Variants in LRRFIP2 observed in about 807,000 individuals in gnomAD.
The protein encoded by LRRFIP2 is LRR binding FLII interacting protein 2, also known as leucine-rich repeat flightless-interacting protein 2.
LRRFIP2 carries 109 observed loss-of-function variants against 125.9 expected under a neutral mutation model. That is an observed-to-expected ratio of 0.87 (90% CI 0.74 to 1.01). The LOEUF is 1.01. LRRFIP2 is among the 50% of genes least tolerant of loss of function. LRRFIP2 has a pLI of 0.00. For synonymous variants in LRRFIP2, 291 were observed against 293.1 expected (o/e 0.99, Z 0.07); for missense variants, 850 against 862.3 (o/e 0.99, Z 0.18).
intron 8 of LRRFIP2, among the ~76,000 whole-genome samples, chr3:37,111,583 C>T (rs2094546368): frequency 6.6e-6 from 1 of 152,144 alleles, no homozygotes; most frequent in South Asian, 2.1e-4. Context: ...AACAATAGTA[C>T]ACATTATAGC....
chr3:37,143,379 G>C (rs2095768022), intron 2 of LRRFIP2: 1 of 157,548 alleles, frequency 6.3e-6, no homozygotes, highest in African/African-American at 2.4e-5. Flanking sequence ...GGACAATCCA[G>C]GGGAATGAGA....
At chr3:37,116,694 T>C (rs1576877039) in intron 6 of LRRFIP2, among the ~76,000 whole-genome samples, 1 of 152,174 alleles carries the variant, frequency 6.6e-6, no homozygotes, top group Non-Finnish European at 1.5e-5. Flanking sequence ...CTAGTTCTAA[T>C]AAGACATTAA....
At position 37,067,230 on chromosome 3, in the gene LRRFIP2, C is replaced by G. The variant is rs549141791; in HGVS notation, c.1465-905G>C. 14 of 152,296 alleles carry G rather than the reference C, an allele frequency of 9.2e-5. No individual in the cohort carries two copies. The East Asian group carries it at 2.7e-3, about 29-fold the overall frequency. The allele number at this position is 152,296 out of a possible 1,614,324, so 9.4% of individuals were successfully genotyped here. Reference sequence around the variant, plus strand: ...AGGTTGGTGATTTCATTTGTAAATTCCCTGCCATTTCCTTAATCTCACAAC... The same window carrying G: ...AGGTTGGTGATTTCATTTGTAAATTGCCTGCCATTTCCTTAATCTCACAAC... On this transcript the variant is annotated intron_variant, in intron 21 of 27. Transcript: ENST00000336686.
At chr3:37,074,928 T>G in intron 20 of LRRFIP2, 96 bp downstream of exon 20, 1 of 780,236 alleles carries the variant, frequency 1.3e-6, no homozygotes, top group Non-Finnish European at 2.2e-6. Context: ...AGACAAACTC[T>G]GATGCATCTT....
intron 1 of LRRFIP2, among the ~76,000 whole-genome samples, chr3:37,166,192 T>C (rs1380296393): frequency 1.3e-5 from 2 of 152,066 alleles, no homozygotes; most frequent in African/African-American, 4.8e-5. Context: ...TAGCCAGGCA[T>C]GGTGGCGCAT....
Position 37,165,847 on chromosome 3 carries a change from AAGAAAGAAAG to A in LRRFIP2, c.-56+8682_-56+8691del, listed in dbSNP as rs1255684762. The stretch of plus-strand genomic sequence containing the variant: ...AAAGAAAGAAAGAAAGAAAGAAAGA[AAGAAAGAAAG>A]AGAAAGAAAGAAAGAAGAAAAAACT... On this transcript the variant is annotated intron_variant, in intron 1 of 27. Transcript: ENST00000336686. Among the ~76,000 whole-genome samples the A allele has an allele frequency of 3.6e-3, 526 of 146,612 alleles. 4 individuals carry two copies. Among genetic ancestry groups the A allele is most frequent in the Middle Eastern group, 0.017 (5 of 290 alleles).
intron 23 of LRRFIP2, 112 bp downstream of exon 23, chr3:37,065,698 T>C: frequency 7.7e-7 from 1 of 1,300,854 alleles, no homozygotes; most frequent in Non-Finnish European, 1.1e-6. Context: ...GTTAAGGATC[T>C]ACTTGAGTCT....
At chr3:37,065,575 C>T in intron 23 of LRRFIP2, 2 of 662,742 alleles carry the variant, frequency 3.0e-6, no homozygotes, top group Non-Finnish European at 5.6e-6. Context: ...GCCCATAGTA[C>T]TTCCATCCAC....
At chr3:37,075,182 T>A in intron 19 of LRRFIP2, 66 bp from the exon 20 acceptor site, 1 of 1,083,848 alleles carries the variant, frequency 9.2e-7, no homozygotes, top group East Asian at 2.4e-5. Flanking sequence ...ACATACACAA[T>A]ACAACACAGA....
At chr3:37,077,653 C>A (rs2092230006) in intron 19 of LRRFIP2, among the ~76,000 whole-genome samples, 1 of 151,992 alleles carries the variant, frequency 6.6e-6, no homozygotes, top group South Asian at 2.1e-4. Flanking sequence ...CAGATATATT[C>A]TTTGTTAACG....
chr3:37,073,513 T>C (rs2091595932), intron 20 of LRRFIP2, among the ~76,000 whole-genome samples: 1 of 152,202 alleles, frequency 6.6e-6, no homozygotes, highest in Non-Finnish European at 1.5e-5. Flanking sequence ...TATGTCCTCC[T>C]TTCCCTACTC....
intron 19 of LRRFIP2, among the ~76,000 whole-genome samples, chr3:37,075,768 G>A (rs1420828187): frequency 6.6e-6 from 1 of 151,996 alleles, no homozygotes; most frequent in East Asian, 1.9e-4. Context: ...TGAAAAAGAA[G>A]AAAGCCGGCC....
chr3:37,083,946 T>G, intron 18 of LRRFIP2, 140 bp from the exon 19 acceptor site: 1 of 582,302 alleles, frequency 1.7e-6, no homozygotes. Flanking sequence ...ACTCCTTGTT[T>G]AGTAACATGC....
Position 37,077,387 on chromosome 3 carries a change from A to G in LRRFIP2, c.1279-2271T>C, listed in dbSNP as rs2148957242. Among the ~76,000 whole-genome samples, 3 of 152,368 alleles carry G rather than the reference A, an allele frequency of 2.0e-5. No individual in the cohort carries two copies. In the South Asian group the frequency reaches 6.2e-4, roughly 32 times the overall value. On this transcript the variant is annotated intron_variant, in intron 19 of 27. Transcript: ENST00000336686. ...CAAGATATCTCTATACAACATTCAT[A>G]AGGTGATAAAATCTACATGCACGAC...
intron 2 of LRRFIP2, among the ~76,000 whole-genome samples, chr3:37,146,470 G>A (rs1330350361): frequency 6.6e-6 from 1 of 151,994 alleles, no homozygotes; most frequent in African/African-American, 2.4e-5. Flanking sequence ...ACCCCACTGT[G>A]CTCCCTCTCC....
chr3:37,109,652 C>G lies in LRRFIP2; in HGVS notation c.564+1G>C, dbSNP rs1016353020. On this transcript the variant is annotated splice_donor_variant, in intron 10 of 27. Transcript: ENST00000336686. LOFTEE classifies it high-confidence loss of function. ...CAGAACATTCCTCAGAAAGTACTAA[C>G]CCTGTCACTCTTATATGTTGCCAGA... The G allele has an allele frequency of 1.2e-6, 2 of 1,614,052 alleles. No individual in the cohort carries two copies. Among genetic ancestry groups the G allele is most frequent in the East Asian group, 4.5e-5 (2 of 44,868 alleles).
At chr3:37,076,854 G>A (rs148648107) in intron 19 of LRRFIP2, among the ~76,000 whole-genome samples, 34,385 of 152,024 alleles carry the variant, frequency 0.23, 4,919 homozygotes, top group Non-Finnish European at 0.32. Context: ...CAACAGGAGC[G>A]AAACTCTGTC....
intron 2 of LRRFIP2, chr3:37,134,880 C>G: frequency 7.7e-7 from 1 of 1,292,196 alleles, no homozygotes; most frequent in Non-Finnish European, 1.1e-6. Flanking sequence ...AAGGATTTGT[C>G]ATCCAAATAT....
In LRRFIP2 at chr3:37,053,607, G is replaced by A. The variant is rs1444477866; in HGVS notation, c.*244C>T. ...TGAGTAAACATGATTCTACAATTAC[G>A]GAGATAAAAAATAAAAACAGCATGG... On this transcript the variant is annotated 3_prime_UTR_variant, in exon 28 of 28. Coordinates refer to ENST00000336686, the MANE Select transcript of LRRFIP2 (RefSeq NM_006309.4). 3 of 440,704 alleles carry A rather than the reference G, an allele frequency of 6.8e-6. No individual in the cohort carries two copies. The highest frequency in any genetic ancestry group is 1.2e-5 in the Non-Finnish European group (3 of 243,450). The allele number at this position is 440,704 out of a possible 1,614,324, so 27.3% of individuals were successfully genotyped here.
Sources: gnomAD v4.1 joint callset for allele counts (sites outside exome capture counted in the v4.1 genomes callset) on GRCh38, gnomAD v4.1.1 for gene constraint, MANE v1.5 for transcripts, NCBI Gene and HGNC (gene_info 2026-07-23, HGNC 2026-07-21) for gene names.